SCAF8: variants seen among roughly 807,000 people sequenced by gnomAD.
The protein encoded by SCAF8 is SR-related CTD associated factor 8.
SCAF8 carries 23 observed loss-of-function variants against 140.5 expected under a neutral mutation model. The ratio of observed to expected loss-of-function variants is 0.16; its 90% CI spans 0.12 to 0.23. The LOEUF is 0.23. SCAF8 is among the 10% of genes least tolerant of loss of function. SCAF8 has a pLI of 1.00. For synonymous variants in SCAF8, 575 were observed against 528.9 expected, an observed-to-expected ratio of 1.09 and a Z score of -1.20; for missense variants, 1,397 against 1,555.7, an observed-to-expected ratio of 0.90 and a Z score of 1.72.
chr6:154,754,750 AC>A (rs1277099969), intron 1 of SCAF8, among the ~76,000 whole-genome samples: 1 of 152,084 alleles, frequency 6.6e-6, no homozygotes, highest in African/African-American at 2.4e-5. Context: ...CTCTTCTTCT[AC>A]TTATTCTCCC....
At chr6:154,743,213 TAG>T (rs1778616505) in intron 1 of SCAF8, among the ~76,000 whole-genome samples, 1 of 152,208 alleles carries the variant, frequency 6.6e-6, no homozygotes, top group Non-Finnish European at 1.5e-5. Flanking sequence ...CTGTTCAAAA[TAG>T]AGACTGAACA....
chr6:154,810,019 C>T lies in SCAF8; in HGVS notation c.1231C>T (p.Pro411Ser). The change falls in exon 12 of 20, where the codon CCA becomes TCA. Residue 411 changes from proline to serine, a missense_variant. Around this residue, in one of 5 missense-constraint regions of SCAF8, gnomAD observed 339 missense variants for 407.5 expected, o/e 0.83. Transcript: ENST00000367178. ...TAAAATGAAAATTTTTTGTAGATCA[C>T]CAAGAAAACGAAGGTCTAGGTCACG... ...RTHSRSRSRS[P>S]RKRRSRSRSG... 1.9e-6 allele frequency: 3 copies of T among 1,585,050 alleles called. No individual in the cohort carries two copies. The highest frequency in any genetic ancestry group is 2.6e-6 in the Non-Finnish European group (3 of 1,172,446).
chr6:154,733,597 G>A lies in SCAF8; in HGVS notation c.-304G>A. 1 of 1,291,102 alleles carries A rather than the reference G, an allele frequency of 7.7e-7. No individual in the cohort carries two copies. Among genetic ancestry groups the A allele is most frequent in the Non-Finnish European group, 9.8e-7 (1 of 1,023,302 alleles). The allele number at this position is 1,291,102 out of a possible 1,614,324, so 80.0% of individuals were successfully genotyped here. ...AGGGGGACCGAAACGGAGCGGGGCA[G>A]AGAAGAGAAGGCGCCGCGGCCCAGC... On this transcript the variant is annotated 5_prime_UTR_variant, in exon 1 of 20. Coordinates refer to ENST00000367178, the MANE Select transcript of SCAF8 (RefSeq NM_014892.5).
At chr6:154,795,264 G>A (rs1777567325) in intron 6 of SCAF8, 125 bp downstream of exon 6, 1 of 715,872 alleles carries the variant, frequency 1.4e-6, no homozygotes. Context: ...GGACCATTAT[G>A]TATACTTTGT....
chr6:154,805,772 A>C (rs1177511471), intron 9 of SCAF8, among the ~76,000 whole-genome samples: 2 of 152,086 alleles, frequency 1.3e-5, no homozygotes, highest in East Asian at 3.8e-4. Flanking sequence ...ATTTCAGTGT[A>C]CTGGAAGTAG....
chr6:154,788,034 G>GTTT lies in SCAF8; in HGVS notation c.321+22_321+24dup. The GTTT allele has an allele frequency of 8.1e-6, 10 of 1,236,768 alleles. No homozygotes were observed. Among genetic ancestry groups the GTTT allele is most frequent in the South Asian group, 4.5e-5 (3 of 66,718 alleles). The allele number at this position is 1,236,768 out of a possible 1,614,324, so 76.6% of individuals were successfully genotyped here. ...CTGGGGATGACAAGGTATGCTACTG[G>GTTT]TTTTTTTTTTTTGTTTTTTTAAAAG... On this transcript the variant is annotated intron_variant, in intron 4 of 19. Coordinates refer to ENST00000367178, the MANE Select transcript of SCAF8 (RefSeq NM_014892.5).
At chr6:154,754,971 G>C (rs1229344484) in intron 1 of SCAF8, among the ~76,000 whole-genome samples, 1 of 152,072 alleles carries the variant, frequency 6.6e-6, no homozygotes, top group South Asian at 2.1e-4. Flanking sequence ...GTTTATATCA[G>C]TAGTAAAATC....
At chr6:154,799,853 C>T (rs1466533969) in intron 6 of SCAF8, among the ~76,000 whole-genome samples, 6 of 151,112 alleles carry the variant, frequency 4.0e-5, no homozygotes, top group Non-Finnish European at 7.4e-5. Flanking sequence ...GGCGCAATCT[C>T]GGCTCATTGC....
At chr6:154,831,371 CTT>C (rs1778727854) in intron 19 of SCAF8, among the ~76,000 whole-genome samples, 1 of 151,646 alleles carries the variant, frequency 6.6e-6, no homozygotes, top group Non-Finnish European at 1.5e-5. Flanking sequence ...CCACCACCCC[CTT>C]TTTTTTGTCC....
chr6:154,735,278 C>G (rs1778385344), intron 1 of SCAF8, among the ~76,000 whole-genome samples: 1 of 151,962 alleles, frequency 6.6e-6, no homozygotes, highest in East Asian at 1.9e-4. Flanking sequence ...AGGCTTTTTG[C>G]TGTGACGGCC....
At chr6:154,751,145 T>G (rs1487946561) in intron 1 of SCAF8, among the ~76,000 whole-genome samples, 4 of 152,238 alleles carry the variant, frequency 2.6e-5, no homozygotes, top group Non-Finnish European at 5.9e-5. Flanking sequence ...ATGTTATGCA[T>G]TTGTAGCTAT....
intron 1 of SCAF8, among the ~76,000 whole-genome samples, chr6:154,769,502 T>C (rs1242817825): frequency 6.6e-6 from 1 of 152,226 alleles, no homozygotes; most frequent in Non-Finnish European, 1.5e-5. Context: ...TGAGTGAATA[T>C]GATTTGATTG....
chr6:154,820,446 A>C, intron 15 of SCAF8, 113 bp downstream of exon 15: 1 of 805,660 alleles, frequency 1.2e-6, no homozygotes. Context: ...ATCTCCCAAA[A>C]AAGAGAAAAG....
At chr6:154,788,548 GCTA>G (rs1777321395) in intron 4 of SCAF8, among the ~76,000 whole-genome samples, 1 of 152,080 alleles carries the variant, frequency 6.6e-6, no homozygotes, top group South Asian at 2.1e-4. Flanking sequence ...TAGCAGATTT[GCTA>G]CTTTTTAATT....
At chr6:154,752,900 A>G (rs1778873527) in intron 1 of SCAF8, among the ~76,000 whole-genome samples, 1 of 152,148 alleles carries the variant, frequency 6.6e-6, no homozygotes. Flanking sequence ...ATTTTAGACT[A>G]ATATTATTAC....
intron 1 of SCAF8, among the ~76,000 whole-genome samples, chr6:154,749,994 A>C (rs1358270195): frequency 6.6e-6 from 1 of 152,018 alleles, no homozygotes; most frequent in South Asian, 2.1e-4. Context: ...AGGGAGCTGG[A>C]TATGAGGAAG....
chr6:154,796,250 A>G (rs149438730), intron 6 of SCAF8, among the ~76,000 whole-genome samples: 1 of 151,986 alleles, frequency 6.6e-6, no homozygotes, highest in African/African-American at 2.4e-5. Flanking sequence ...TTTCTAGATG[A>G]TAGTGTTTTA....
chr6:154,812,176 CTTTTTTTT>C (rs67493657), intron 12 of SCAF8, among the ~76,000 whole-genome samples: 1 of 106,404 alleles, frequency 9.4e-6, no homozygotes, highest in Non-Finnish European at 1.8e-5. Context: ...AAGATACTGC[CTTTTTTTT>C]TTTTTTTTTT....
At position 154,781,673 on chromosome 6, in the gene SCAF8, A is replaced by G. The variant is rs149185469; in HGVS notation, c.159+3628A>G. 4.7e-3 allele frequency among the ~76,000 whole-genome samples: 723 copies of G among 152,322 alleles called. 2 individuals are homozygous for G. The highest frequency in any genetic ancestry group is 9.7e-3 in the Admixed American group (148 of 15,292). On this transcript the variant is annotated intron_variant, in intron 3 of 19. Coordinates refer to ENST00000367178, the MANE Select transcript of SCAF8 (RefSeq NM_014892.5). Reference sequence around the variant, plus strand: ...TAGTATTTCAGGGTATGAATTTACCACAGTTTAATCATTCACTCATTGGGG... The same window carrying G: ...TAGTATTTCAGGGTATGAATTTACCGCAGTTTAATCATTCACTCATTGGGG...
Sources: gnomAD v4.1 joint callset for allele counts (sites outside exome capture counted in the v4.1 genomes callset) on GRCh38, gnomAD v4.1.1 for gene constraint, gnomAD v4.1.1 regional missense constraint, MANE v1.5 for transcripts, NCBI Gene and HGNC (gene_info 2026-07-23, HGNC 2026-07-21) for gene names.